DGKK: variants seen among roughly 807,000 people sequenced by gnomAD.
DGKK encodes the protein diacylglycerol kinase kappa, also known as 142 kDa diacylglycerol kinase.
DGKK carries 35 observed loss-of-function variants against 92.2 expected under a neutral mutation model. The ratio of observed to expected loss-of-function variants is 0.38; its 90% CI spans 0.29 to 0.50. The LOEUF (loss-of-function observed/expected upper bound fraction) is 0.50. Among genes scored for constraint, DGKK ranks in the 20% least tolerant of loss-of-function variants. The pLI, the probability that DGKK is intolerant of heterozygous loss-of-function variation, is 0.92. For missense variants in DGKK, 910 were observed against 992.2 expected, an observed-to-expected ratio of 0.92 and a Z score of 1.11; for synonymous variants, 368 against 360.6, an observed-to-expected ratio of 1.02 and a Z score of -0.23.
rs1000368108 is a variant in DGKK, at chrX:50,388,475, C to G, written c.2018+52G>C. The stretch of plus-strand genomic sequence containing the variant: ...CACCCTCAGCTATCAAAATGAGCCC[C>G]ATGTCTGACCTGGGAACAGCCCCAA... On this transcript the variant is annotated intron_variant, in intron 13 of 27. Coordinates refer to ENST00000611977, the MANE Select transcript of DGKK (RefSeq NM_001013742.4). 5 of 957,184 alleles carry G rather than the reference C, an allele frequency of 5.2e-6. No homozygotes were observed. The Admixed American group carries it at 1.2e-4, about 23-fold the overall frequency. 78.9% of individuals were successfully genotyped at this position (957,184 alleles called of 1,213,427 possible).
At chrX:50,376,533 A>T (rs138015494) in intron 23 of DGKK, among the ~76,000 whole-genome samples, 3 of 111,589 alleles carry the variant, frequency 2.7e-5, no homozygotes. Context: ...GCAACAAGAG[A>T]TCCAAATTAA....
chrX:50,376,833 G>A lies in DGKK; in HGVS notation c.3197C>T (p.Ser1066Phe), dbSNP rs1557223900. The A allele has an allele frequency of 8.3e-7, 1 of 1,207,574 alleles. No individual in the cohort carries two copies. Among genetic ancestry groups the A allele is most frequent in the African/African-American group, 1.7e-5 (1 of 57,256 alleles). The change falls in exon 23 of 28, where the codon TCT becomes TTT. Residue 1066 changes from serine (S) to phenylalanine (F), a missense_variant. Physicochemically the swap from Ser to Phe is radical, Grantham distance 155. Transcript: ENST00000611977. Reference sequence around the variant, plus strand: ...CTCCTCGTCAGAGAGGCTCTCTTGAGAGTCCTGGAAGTCCAGCTGGGGTTG... The same window carrying A: ...CTCCTCGTCAGAGAGGCTCTCTTGAAAGTCCTGGAAGTCCAGCTGGGGTTG... Reference protein sequence around the residue: ...APQPQLDFQDSQESLSDEEYA... With the variant: ...APQPQLDFQDFQESLSDEEYA...
In DGKK at chrX:50,390,330, C is replaced by G; in HGVS notation, c.1924G>C (p.Glu642Gln). Residue 642 changes from glutamate to glutamine, a missense_variant and splice_region_variant, in exon 12 of 28, where the codon GAG becomes CAG. Transcript: ENST00000611977. ...GQVEMDVPRF[E>Q]AAAIQHLESA... is the part of the protein sequence containing the mutation. Reference sequence around the variant, plus strand: ...AATTACAGCTGAACAGTAGTTACCTCAAATCGTGGTACATCCATTTCAACC... The same window carrying G: ...AATTACAGCTGAACAGTAGTTACCTGAAATCGTGGTACATCCATTTCAACC... 1 of 1,209,978 alleles carries G rather than the reference C, an allele frequency of 8.3e-7. No individual in the cohort carries two copies. Among genetic ancestry groups the G allele is most frequent in the African/African-American group, 1.7e-5 (1 of 57,768 alleles).
intron 1 of DGKK, among the ~76,000 whole-genome samples, chrX:50,466,017 C>CTTTTTTTTTTTTTTTTTTTTTT (rs72090197): frequency 2.3e-5 from 1 of 42,793 alleles, no homozygotes; most frequent in Non-Finnish European, 3.8e-5. Flanking sequence ...TTTCTTTTTT[C>CTTTTTTTTTTTTTTTTTTTTTT]TTTTTTTTTT....
chrX:50,374,663 T>A (rs1435911877), intron 25 of DGKK, among the ~76,000 whole-genome samples: 3 of 111,414 alleles, frequency 2.7e-5, no homozygotes, highest in Non-Finnish European at 3.8e-5. Flanking sequence ...ATAGCTCACC[T>A]TTTTCTACTG....
At chrX:50,411,175 T>TG (rs1557227915) in intron 4 of DGKK, among the ~76,000 whole-genome samples, 3 of 111,609 alleles carry the variant, frequency 2.7e-5, no homozygotes. Flanking sequence ...GAGGAACAGC[T>TG]GGCCCCATCC....
At chrX:50,438,853 T>C (rs1926098961) in intron 1 of DGKK, among the ~76,000 whole-genome samples, 1 of 111,706 alleles carries the variant, frequency 9.0e-6, no homozygotes, top group African/African-American at 3.3e-5. Flanking sequence ...AAGCTATTAA[T>C]ATCGCTTAGG....
chrX:50,406,210 T>C (rs1934189), intron 4 of DGKK, among the ~76,000 whole-genome samples: 51,865 of 110,861 alleles, frequency 0.47, 10,568 homozygotes, highest in African/African-American at 0.8. Context: ...TTTCATCATC[T>C]AAATTGCCTA....
At chrX:50,432,030 C>T (rs1925903076) in intron 1 of DGKK, among the ~76,000 whole-genome samples, 1 of 112,129 alleles carries the variant, frequency 8.9e-6, no homozygotes, top group African/African-American at 3.2e-5. Context: ...CTACTGGAAT[C>T]TTCCCTCCTG....
At chrX:50,374,075 A>G (rs1481851919) in intron 25 of DGKK, among the ~76,000 whole-genome samples, 3 of 112,103 alleles carry the variant, frequency 2.7e-5, no homozygotes, top group African/African-American at 6.5e-5. Flanking sequence ...AGCTAGTGTT[A>G]TGGGTTGAAT....
intron 1 of DGKK, among the ~76,000 whole-genome samples, chrX:50,460,539 A>G (rs1218708248): frequency 9.0e-6 from 1 of 111,549 alleles, no homozygotes. Context: ...CTCAGGGGCC[A>G]ATATTTCCTT....
intron 1 of DGKK, among the ~76,000 whole-genome samples, chrX:50,437,869 C>T (rs782315942): frequency 2.2e-4 from 25 of 111,171 alleles, no homozygotes; most frequent in African/African-American, 8.2e-4. Context: ...TCTGAGCCAC[C>T]ATTTCATTGA....
At chrX:50,466,394 G>A (rs1294459886) in intron 1 of DGKK, among the ~76,000 whole-genome samples, 1 of 111,543 alleles carries the variant, frequency 9.0e-6, no homozygotes, top group African/African-American at 3.3e-5. Context: ...ATCCCCTGAA[G>A]CTAACAATAT....
At chrX:50,447,891 C>T (rs1360963681) in intron 1 of DGKK, among the ~76,000 whole-genome samples, 9 of 110,144 alleles carry the variant, frequency 8.2e-5, no homozygotes, top group East Asian at 2.9e-4. Context: ...AAAAAAGGAG[C>T]GACTTAAAGG....
intron 1 of DGKK, among the ~76,000 whole-genome samples, chrX:50,453,743 A>G (rs994664325): frequency 9.0e-5 from 10 of 111,426 alleles, no homozygotes; most frequent in African/African-American, 2.9e-4. Context: ...CTGAAAGCCA[A>G]TCAAGATCTG....
Position 50,368,887 on chromosome X carries a change from A to T in DGKK, c.*53T>A. The T allele has an allele frequency of 9.2e-7, 1 of 1,085,220 alleles. No homozygotes were observed. Among genetic ancestry groups the T allele is most frequent in the East Asian group, 3.0e-5 (1 of 33,057 alleles). 89.4% of individuals were successfully genotyped at this position (1,085,220 alleles called of 1,213,427 possible). A position where few individuals can be genotyped will look rare whatever the true frequency, so the allele number is the denominator to read the frequency against. On this transcript the variant is annotated 3_prime_UTR_variant, in exon 28 of 28. Coordinates refer to ENST00000611977, the MANE Select transcript of DGKK (RefSeq NM_001013742.4). ...TAGTCTAGCCTGTATTGAGGTTTTG[A>T]GAGTTTTTTTAGTAGAATTCTCAAT...
At chrX:50,456,854 C>T (rs1374226120) in intron 1 of DGKK, among the ~76,000 whole-genome samples, 1 of 111,475 alleles carries the variant, frequency 9.0e-6, no homozygotes, top group African/African-American at 3.3e-5. Flanking sequence ...AAGGTTTGCA[C>T]AGGGTGCTAT....
At chrX:50,421,267 G>A (rs1258781827) in intron 3 of DGKK, among the ~76,000 whole-genome samples, 1 of 111,468 alleles carries the variant, frequency 9.0e-6, no homozygotes, top group African/African-American at 3.3e-5. Context: ...AGGGCAGGAG[G>A]GATCATGGAT....
rs781963182 is a variant in DGKK, at chrX:50,379,636, T to C, written c.2853A>G (p.Thr951=). 4.1e-6 allele frequency: 5 copies of C among 1,208,466 alleles called. No homozygotes were observed. In the Admixed American group the frequency reaches 1.1e-4, roughly 26 times the overall value. The change falls in exon 20 of 28, where the codon ACA becomes ACG. Residue 951 remains threonine (T), a synonymous_variant. Coordinates refer to ENST00000611977, the MANE Select transcript of DGKK (RefSeq NM_001013742.4). Reference sequence around the variant, plus strand: ...CTTGTTCCATACTAACCGTGGTTGCTGTGTTGCTTCCCCAGAAGTTGATAC... The same window carrying C: ...CTTGTTCCATACTAACCGTGGTTGCCGTGTTGCTTCCCCAGAAGTTGATAC... The part of the protein sequence containing the change: ...AGGINFWGSN[T]ATTEYEAPAI...
Sources: allele counts gnomAD v4.1 joint callset (sites outside exome capture counted in the v4.1 genomes callset), GRCh38; gene constraint gnomAD v4.1.1; transcripts MANE v1.5; gene names NCBI Gene and HGNC (gene_info 2026-07-23, HGNC 2026-07-21).